NFIB: variants seen among roughly 807,000 people sequenced by gnomAD.
The protein encoded by NFIB is nuclear factor I B, also known as nuclear factor 1 B-type.
NFIB carries 11 observed loss-of-function variants against 61.5 expected under a neutral mutation model. The observed-to-expected ratio is 0.18, with a 90% CI of 0.11 to 0.30. The LOEUF (loss-of-function observed/expected upper bound fraction) is 0.30, where lower values mean the gene tolerates loss of function less well. NFIB is among the 10% of genes least tolerant of loss of function. The pLI, the probability that NFIB is intolerant of heterozygous loss-of-function variation, is 1.00. For missense variants in NFIB, 471 were observed against 608.9 expected (o/e 0.77, Z 2.38); for synonymous variants, 260 against 216.5 (o/e 1.20, Z -1.76).
chr9:14,217,975 G>C (rs917080264), intron 2 of NFIB, among the ~76,000 whole-genome samples: 5 of 152,136 alleles, frequency 3.3e-5, no homozygotes, highest in African/African-American at 7.2e-5. Flanking sequence ...TAAGCTTTTA[G>C]GTCCCTGATC....
the NFIB span, among the ~76,000 whole-genome samples, chr9:14,448,327 C>T: frequency 1.7e-4 from 26 of 152,072 alleles, no homozygotes; most frequent in Admixed American, 8.5e-4. Flanking sequence ...TTGTATCTTG[C>T]GGTATCTATA....
At chr9:14,321,301 G>T (rs1195334912) in intron 1 of NFIB, among the ~76,000 whole-genome samples, 2 of 151,976 alleles carry the variant, frequency 1.3e-5, no homozygotes, top group Admixed American at 1.3e-4. Flanking sequence ...TAACAGGAGT[G>T]GAAAGAAATC....
At chr9:14,406,498 C>G in the NFIB span, among the ~76,000 whole-genome samples, 2 of 152,118 alleles carry the variant, frequency 1.3e-5, no homozygotes, top group South Asian at 4.1e-4. Flanking sequence ...AGTGAGTAGA[C>G]AGTGCTTTGA....
intron 1 of NFIB, among the ~76,000 whole-genome samples, chr9:14,343,550 G>A (rs191209410): frequency 1.0e-3 from 152 of 152,298 alleles, no homozygotes; most frequent in South Asian, 1.9e-3. Flanking sequence ...CCATGCTACA[G>A]CCTCTGCTGG....
intron 2 of NFIB, among the ~76,000 whole-genome samples, chr9:14,221,423 T>C (rs889594126): frequency 1.3e-5 from 2 of 152,178 alleles, no homozygotes; most frequent in South Asian, 2.1e-4. Context: ...AGCCATGAAA[T>C]AATTATTTTG....
chr9:14,366,773 C>T (rs769816804), intron 1 of NFIB, among the ~76,000 whole-genome samples: 27 of 152,066 alleles, frequency 1.8e-4, no homozygotes, highest in Admixed American at 2.0e-4. Context: ...CATGAGCCAC[C>T]GTGCCTGGAT....
intron 1 of NFIB, among the ~76,000 whole-genome samples, chr9:14,345,527 G>A (rs575782440): frequency 6.6e-6 from 1 of 152,158 alleles, no homozygotes; most frequent in South Asian, 2.1e-4. Context: ...GAGTGGAGTA[G>A]GGAAAGGGAA....
chr9:14,321,539 AGAG>A (rs2060659612), intron 1 of NFIB, among the ~76,000 whole-genome samples: 1 of 152,238 alleles, frequency 6.6e-6, no homozygotes, highest in Non-Finnish European at 1.5e-5. Flanking sequence ...GAATGCTTCA[AGAG>A]GAGAGAATGG....
chr9:14,243,254 A>C (rs901641959), intron 2 of NFIB, among the ~76,000 whole-genome samples: 1 of 152,232 alleles, frequency 6.6e-6, no homozygotes. Flanking sequence ...TACTTCTAGC[A>C]TATGAAGTGG....
chr9:14,364,300 T>C (rs1364391966), intron 1 of NFIB, among the ~76,000 whole-genome samples: 1 of 152,184 alleles, frequency 6.6e-6, no homozygotes, highest in East Asian at 1.9e-4. Context: ...CTTTGTGAAG[T>C]TTGTTGGCTT....
the NFIB span, among the ~76,000 whole-genome samples, chr9:14,455,398 G>C: frequency 6.6e-6 from 1 of 152,212 alleles, no homozygotes; most frequent in Non-Finnish European, 1.5e-5. Context: ...GGAGGGAAAA[G>C]TGGTATGTCG....
intron 1 of NFIB, among the ~76,000 whole-genome samples, chr9:14,344,785 TAA>T (rs1359735431): frequency 3.1e-3 from 263 of 85,518 alleles, no homozygotes; most frequent in Admixed American, 3.7e-3. Context: ...AAAAAATCCG[TAA>T]CTACAAACAA....
intron 1 of NFIB, among the ~76,000 whole-genome samples, chr9:14,309,072 C>T (rs185317306): frequency 2.5e-4 from 38 of 152,270 alleles, no homozygotes; most frequent in African/African-American, 7.5e-4. Flanking sequence ...GTCAGCCCAA[C>T]GACAAAATAA....
chr9:14,315,654 C>G (rs1234759596), upstream of NFIB, among the ~76,000 whole-genome samples: 1 of 149,276 alleles, frequency 6.7e-6, no homozygotes, highest in Non-Finnish European at 1.5e-5. Flanking sequence ...GCCCCCACCC[C>G]GTCGCCCGTG....
chr9:14,179,648 T>C, intron 3 of NFIB, 79 bp downstream of exon 3: 4 of 1,485,580 alleles, frequency 2.7e-6, no homozygotes, highest in Non-Finnish European at 3.7e-6. Flanking sequence ...GCTGACCAAT[T>C]ATGGGGTGTT....
upstream of NFIB, among the ~76,000 whole-genome samples, chr9:14,402,094 G>C (rs570076957): frequency 6.6e-6 from 1 of 152,260 alleles, no homozygotes; most frequent in East Asian, 1.9e-4. Context: ...GAGACAGAAG[G>C]GGGAGAAAGC....
chr9:14,150,673 G>A (rs1009489888), intron 4 of NFIB, among the ~76,000 whole-genome samples: 1 of 151,944 alleles, frequency 6.6e-6, no homozygotes, highest in Non-Finnish European at 1.5e-5. Context: ...CCAAATCATT[G>A]TTAAATAAAT....
intron 2 of NFIB, among the ~76,000 whole-genome samples, chr9:14,248,241 CTCCCACCTAAACTGCCCTTCCTTCCT>C (rs1212220508): frequency 6.6e-6 from 1 of 151,192 alleles, no homozygotes; most frequent in Non-Finnish European, 1.5e-5. Context: ...CCTAGCAATC[CTCCCACCTAAACTGCCCTTCCTTCCT>C]TCCCACCTAA....
chr9:14,296,550 G>C (rs756026355), intron 2 of NFIB, among the ~76,000 whole-genome samples: 14 of 152,212 alleles, frequency 9.2e-5, no homozygotes, highest in Admixed American at 3.9e-4. Flanking sequence ...TGAGATTGGA[G>C]CTTTCATAAA....
Sources: allele counts gnomAD v4.1 joint callset (sites outside exome capture counted in the v4.1 genomes callset), GRCh38; gene constraint gnomAD v4.1.1; transcripts MANE v1.5; gene names NCBI Gene and HGNC (gene_info 2026-07-23, HGNC 2026-07-21).